HCN1: variants seen among roughly 807,000 people sequenced by gnomAD.
HCN1 encodes potassium/sodium hyperpolarization-activated cyclic nucleotide-gated channel 1.
A neutral mutation model predicts 78.9 loss-of-function variants in HCN1; 13 were observed. The ratio of observed to expected loss-of-function variants is 0.16; its 90% confidence interval spans 0.11 to 0.26. The LOEUF (loss-of-function observed/expected upper bound fraction) is 0.26. Ranked by LOEUF, HCN1 falls within the 10% of genes least tolerant of loss-of-function variation. HCN1 has a pLI of 1.00. For missense variants in HCN1, 810 were observed against 1,154.3 expected (o/e 0.70, Z 4.32); for synonymous variants, 552 against 455.5 (o/e 1.21, Z -2.70).
chr5:45,448,089 T>C (rs1740836768), intron 3 of HCN1, among the ~76,000 whole-genome samples: 1 of 151,918 alleles, frequency 6.6e-6, no homozygotes, highest in Admixed American at 6.6e-5. Context: ...ATGATAATTA[T>C]CTCATATATA....
At chr5:45,392,348 A>C (rs1409727648) in intron 4 of HCN1, among the ~76,000 whole-genome samples, 1 of 152,156 alleles carries the variant, frequency 6.6e-6, no homozygotes, top group Non-Finnish European at 1.5e-5. Context: ...GGATCTATGG[A>C]TCATTAATTA....
rs989268235 is a variant in HCN1, at chr5:45,267,095, G to T, written c.1777C>A (p.Arg593=). 4.3e-6 allele frequency: 7 copies of T among 1,610,846 alleles called. No individual in the cohort carries two copies. Among genetic ancestry groups the T allele is most frequent in the Non-Finnish European group, 5.9e-6 (7 of 1,177,142 alleles). The change falls in exon 7 of 8, where the codon CGA becomes AGA. Residue 593 remains arginine, a synonymous_variant. Transcript: ENST00000303230. ...AGGTAGAAAACTAGAGTACCTATTC[G>T]ATCTAGTCGGTCAATGGCAACTGTC... The part of the protein sequence containing the change: ...FETVAIDRLD[R]IGKKNSILLQ...
chr5:45,417,262 A>T (rs563892661), intron 3 of HCN1, among the ~76,000 whole-genome samples: 1 of 152,048 alleles, frequency 6.6e-6, no homozygotes, highest in East Asian at 1.9e-4. Flanking sequence ...ACACTAATAA[A>T]TTTCCCTTTC....
intron 2 of HCN1, among the ~76,000 whole-genome samples, chr5:45,479,767 A>C (rs1174408651): frequency 6.6e-6 from 1 of 152,198 alleles, no homozygotes; most frequent in Admixed American, 6.5e-5. Flanking sequence ...ACCCATTGGA[A>C]ATATCCTGTA....
At chr5:45,328,611 A>G (rs1461382116) in intron 5 of HCN1, among the ~76,000 whole-genome samples, 2 of 151,664 alleles carry the variant, frequency 1.3e-5, no homozygotes, top group African/African-American at 2.4e-5. Context: ...TTGTGGCTCC[A>G]CTGGGCAAAA....
intron 2 of HCN1, among the ~76,000 whole-genome samples, chr5:45,618,270 G>A (rs919041538): frequency 6.6e-6 from 1 of 151,934 alleles, no homozygotes; most frequent in East Asian, 1.9e-4. Context: ...GAGGGGTGGG[G>A]ATGAATACTA....
chr5:45,607,880 A>G (rs1200091369), intron 2 of HCN1, among the ~76,000 whole-genome samples: 1 of 151,814 alleles, frequency 6.6e-6, no homozygotes, highest in Non-Finnish European at 1.5e-5. Context: ...CTGAGATCCT[A>G]GCCTGTGCAA....
intron 2 of HCN1, among the ~76,000 whole-genome samples, chr5:45,605,282 C>G (rs1202926248): frequency 2.0e-5 from 3 of 151,904 alleles, no homozygotes; most frequent in Non-Finnish European, 4.4e-5. Context: ...AAATTAAAAA[C>G]ATTCATGTCT....
intron 2 of HCN1, chr5:45,644,383 A>C (rs1745506883): frequency 6.6e-6 from 1 of 152,148 alleles, no homozygotes; most frequent in Non-Finnish European, 1.5e-5. Context: ...TCAGACTTTG[A>C]AGATAGGGAT....
Position 45,598,154 on chromosome 5 carries a change from G to A in HCN1, c.849+47031C>T, listed in dbSNP as rs1009462923. On this transcript the variant is annotated intron_variant, in intron 2 of 7. Coordinates refer to ENST00000303230, the MANE Select transcript of HCN1 (RefSeq NM_021072.4). ...CAAAGCTGGAGGCATGACGATACCC[G>A]ACTTCAAACTATACTACAAGGCTAC... 9.9e-5 allele frequency among the ~76,000 whole-genome samples: 15 copies of A among 152,200 alleles called. No homozygotes were observed. In the East Asian group the frequency reaches 1.9e-3, roughly 20 times the overall value.
At chr5:45,399,070 C>T (rs868609414) in intron 3 of HCN1, among the ~76,000 whole-genome samples, 4 of 152,316 alleles carry the variant, frequency 2.6e-5, no homozygotes, top group Middle Eastern at 3.4e-3. Flanking sequence ...GGGATGGTCC[C>T]TTGGGACTGA....
chr5:45,562,428 T>C (rs73103051), intron 2 of HCN1, among the ~76,000 whole-genome samples: 88 of 152,150 alleles, frequency 5.8e-4, no homozygotes, highest in African/African-American at 1.9e-3. Flanking sequence ...TCCTAACACT[T>C]TGGAAAGCTG....
intron 2 of HCN1, among the ~76,000 whole-genome samples, chr5:45,621,363 G>A (rs1370411152): frequency 1.3e-5 from 2 of 151,364 alleles, no homozygotes; most frequent in African/African-American, 4.9e-5. Flanking sequence ...GGCTTGGAAG[G>A]TTAAATGCTT....
intron 2 of HCN1, among the ~76,000 whole-genome samples, chr5:45,593,495 AC>A (rs1744427600): frequency 6.6e-6 from 1 of 151,924 alleles, no homozygotes; most frequent in Non-Finnish European, 1.5e-5. Context: ...TTTCTATAAC[AC>A]CTGGGCAGAG....
chr5:45,487,256 T>G (rs963733576), intron 2 of HCN1, among the ~76,000 whole-genome samples: 1 of 152,128 alleles, frequency 6.6e-6, no homozygotes, highest in Non-Finnish European at 1.5e-5. Context: ...GAAAATCTTG[T>G]TCATAATATC....
intron 2 of HCN1, chr5:45,559,958 C>T (rs994827585): frequency 2.0e-5 from 3 of 152,034 alleles, no homozygotes; most frequent in Non-Finnish European, 2.9e-5. Context: ...AATATTGAGG[C>T]GGAACTTAGA....
chr5:45,332,204 A>G (rs1746359034), intron 5 of HCN1, among the ~76,000 whole-genome samples: 1 of 151,448 alleles, frequency 6.6e-6, no homozygotes, highest in South Asian at 2.1e-4. Flanking sequence ...GTGGGTACAT[A>G]GTAGTTGTAT....
intron 4 of HCN1, among the ~76,000 whole-genome samples, chr5:45,394,868 G>A (rs1325930725): frequency 2.0e-5 from 3 of 151,958 alleles, no homozygotes; most frequent in Non-Finnish European, 4.4e-5. Flanking sequence ...TGTTCCAAAT[G>A]CCAGTAAATA....
chr5:45,309,365 T>C lies in HCN1; in HGVS notation c.1378-5526A>G, dbSNP rs188642201. Among the ~76,000 whole-genome samples the C allele has an allele frequency of 3.4e-3, 523 of 152,264 alleles. 4 individuals carry two copies. Among genetic ancestry groups the C allele is most frequent in the Non-Finnish European group, 5.0e-3 (338 of 68,018 alleles). On this transcript the variant is annotated intron_variant, in intron 5 of 7. Transcript: ENST00000303230. Reference sequence around the variant, plus strand: ...TATTTGGATGCCCTTTATTTACTTCTCTTTCCTAATTGCTATGGCCAGAAC... The same window carrying C: ...TATTTGGATGCCCTTTATTTACTTCCCTTTCCTAATTGCTATGGCCAGAAC...
Sources: allele counts gnomAD v4.1 joint callset (sites outside exome capture counted in the v4.1 genomes callset), GRCh38; gene constraint gnomAD v4.1.1; transcripts MANE v1.5; gene names NCBI Gene and HGNC (gene_info 2026-07-23, HGNC 2026-07-21).